Variants in SUPT3H observed in about 807,000 individuals in gnomAD.
SUPT3H encodes transcription initiation protein SPT3 homolog.
Under a neutral mutation model 44.3 loss-of-function variants are expected in SUPT3H, and 44 were observed. That is an observed-to-expected ratio of 0.99 (90% confidence interval 0.78 to 1.28). The LOEUF (loss-of-function observed/expected upper bound fraction) is 1.28. Among genes scored for constraint, SUPT3H ranks in the 50% most tolerant of loss-of-function variants. SUPT3H has a pLI of 0.00. For synonymous variants in SUPT3H, 124 were observed against 125.6 expected, an observed-to-expected ratio of 0.99 and a Z score of 0.09; for missense variants, 380 against 387.1, an observed-to-expected ratio of 0.98 and a Z score of 0.15.
At position 44,975,992 on chromosome 6, in the gene SUPT3H, T is replaced by C. The variant is rs73735295; in HGVS notation, c.505-14164A>G. On this transcript the variant is annotated intron_variant, in intron 6 of 10. Transcript: ENST00000371459. ...AAGATTAGAAACAAAACAAACAAAA[T>C]TAAATTATTTATTCCTCTAAATGGA... Among the ~76,000 whole-genome samples, 593 of 152,176 alleles carry C rather than the reference T, an allele frequency of 3.9e-3. 7 individuals are homozygous for C. The highest frequency in any genetic ancestry group is 0.014 in the African/African-American group (565 of 41,526).
chr6:45,120,417 T>TAAAAAAAAAACAAAAAAAA (rs1801461515), intron 2 of SUPT3H, among the ~76,000 whole-genome samples: 1 of 50,510 alleles, frequency 2.0e-5, no homozygotes, highest in Non-Finnish European at 3.7e-5. Flanking sequence ...AGACCTTGTC[T>TAAAAAAAAAACAAAAAAAA]AAAAAAAAAA....
intron 10 of SUPT3H, among the ~76,000 whole-genome samples, chr6:44,834,934 C>T (rs1769543234): frequency 6.6e-6 from 1 of 152,084 alleles, no homozygotes; most frequent in Non-Finnish European, 1.5e-5. Flanking sequence ...TATAGCTGAG[C>T]AGGTAGAGGT....
intron 7 of SUPT3H, among the ~76,000 whole-genome samples, chr6:44,957,289 T>A (rs1286140497): frequency 6.6e-6 from 1 of 152,186 alleles, no homozygotes; most frequent in Non-Finnish European, 1.5e-5. Flanking sequence ...TAAGTCCTGC[T>A]ATCGAAGCAT....
intron 2 of SUPT3H, among the ~76,000 whole-genome samples, chr6:45,204,200 T>C (rs1003910982): frequency 8.5e-5 from 12 of 141,530 alleles, no homozygotes; most frequent in African/African-American, 2.9e-4. Context: ...TGAGCCGAGA[T>C]TGAGCCACTG....
At chr6:45,286,913 T>C (rs1260708999) in intron 2 of SUPT3H, among the ~76,000 whole-genome samples, 1 of 152,130 alleles carries the variant, frequency 6.6e-6, no homozygotes, top group African/African-American at 2.4e-5. Flanking sequence ...TATGCAGCCC[T>C]AAAAAATGAT....
chr6:45,315,933 ATAGATAG>A (rs1784613584), intron 2 of SUPT3H, among the ~76,000 whole-genome samples: 1 of 143,886 alleles, frequency 6.9e-6, no homozygotes, highest in Non-Finnish European at 1.6e-5. Flanking sequence ...AGATAGATAG[ATAGATAG>A]ATAGATAGAT....
At chr6:45,080,505 A>G (rs1795645848) in intron 3 of SUPT3H, among the ~76,000 whole-genome samples, 1 of 152,130 alleles carries the variant, frequency 6.6e-6, no homozygotes, top group Non-Finnish European at 1.5e-5. Context: ...TACTAGTCAC[A>G]ATAGTAAAGA....
intron 5 of SUPT3H, among the ~76,000 whole-genome samples, chr6:45,008,386 C>T (rs969502558): frequency 6.6e-5 from 10 of 152,092 alleles, no homozygotes; most frequent in East Asian, 1.9e-4. Context: ...GATAGGGTCT[C>T]GCTCTGTTGC....
At chr6:45,341,690 C>G (rs373604099) in intron 2 of SUPT3H, among the ~76,000 whole-genome samples, 1 of 152,062 alleles carries the variant, frequency 6.6e-6, no homozygotes, top group African/African-American at 2.4e-5. Context: ...AAAATAACTA[C>G]GGAATAACAG....
chr6:45,343,108 T>A (rs1790151396), intron 2 of SUPT3H, among the ~76,000 whole-genome samples: 1 of 152,320 alleles, frequency 6.6e-6, no homozygotes, highest in Non-Finnish European at 1.5e-5. Flanking sequence ...ATTACAATTA[T>A]TAAATATAAT....
At chr6:45,290,161 C>A (rs937462538) in intron 2 of SUPT3H, among the ~76,000 whole-genome samples, 1 of 151,880 alleles carries the variant, frequency 6.6e-6, no homozygotes, top group African/African-American at 2.4e-5. Flanking sequence ...ACCTGGGCAA[C>A]AGAGTGAGAC....
chr6:44,839,557 C>T (rs1251707751), intron 10 of SUPT3H, among the ~76,000 whole-genome samples: 1 of 152,064 alleles, frequency 6.6e-6, no homozygotes, highest in Admixed American at 6.5e-5. Flanking sequence ...ATCTTCTTGC[C>T]TTAGCTACCC....
intron 2 of SUPT3H, among the ~76,000 whole-genome samples, chr6:45,279,580 C>A (rs1777604599): frequency 6.6e-6 from 1 of 152,142 alleles, no homozygotes; most frequent in Admixed American, 6.5e-5. Flanking sequence ...GATGCCAGCT[C>A]ACCCTTTGCC....
At chr6:45,055,669 A>C (rs1294583379) in intron 3 of SUPT3H, among the ~76,000 whole-genome samples, 2 of 152,168 alleles carry the variant, frequency 1.3e-5, no homozygotes, top group African/African-American at 4.8e-5. Flanking sequence ...ACAAAAATCA[A>C]CTCAAGATGG....
intron 2 of SUPT3H, among the ~76,000 whole-genome samples, chr6:45,130,711 ACTT>A (rs1322670674): frequency 1.1e-3 from 63 of 56,212 alleles, no homozygotes; most frequent in South Asian, 7.8e-3. Context: ...AAAAAAAACC[ACTT>A]TTTTTTTTTT....
intron 10 of SUPT3H, among the ~76,000 whole-genome samples, chr6:44,902,011 C>T (rs1328003704): frequency 1.3e-5 from 2 of 152,118 alleles, no homozygotes; most frequent in Non-Finnish European, 2.9e-5. Flanking sequence ...CCTAAAAGAG[C>T]TCCTGAAGGA....
intron 2 of SUPT3H, among the ~76,000 whole-genome samples, chr6:45,179,501 C>T (rs189638075): frequency 6.6e-6 from 1 of 152,164 alleles, no homozygotes. Context: ...CAAACCAAAT[C>T]CAGCAGCACA....
At chr6:44,879,722 G>A (rs1399731871) in intron 10 of SUPT3H, among the ~76,000 whole-genome samples, 1 of 152,210 alleles carries the variant, frequency 6.6e-6, no homozygotes, top group Non-Finnish European at 1.5e-5. Flanking sequence ...GAAGCTTCCA[G>A]AGGAAGGAAC....
At chr6:45,310,754 CT>C (rs1430796228) in intron 2 of SUPT3H, among the ~76,000 whole-genome samples, 2 of 152,176 alleles carry the variant, frequency 1.3e-5, no homozygotes, top group African/African-American at 4.8e-5. Context: ...AGGGAACCCC[CT>C]GTGGGACAAA....
Sources: allele counts gnomAD v4.1 joint callset (sites outside exome capture counted in the v4.1 genomes callset), GRCh38; gene constraint gnomAD v4.1.1; transcripts MANE v1.5; gene names NCBI Gene and HGNC (gene_info 2026-07-23, HGNC 2026-07-21).